The following ADAMTS18 variants were observed in gnomAD, a reference collection of about 807,000 sequenced individuals.
ADAMTS18 encodes A disintegrin and metalloproteinase with thrombospondin motifs 18.
A neutral mutation model predicts 165.9 loss-of-function variants in ADAMTS18; 157 were observed. That is an observed-to-expected ratio of 0.95 (90% CI 0.83 to 1.08). The LOEUF (loss-of-function observed/expected upper bound fraction) is 1.08. Among genes scored for constraint, ADAMTS18 ranks in the 50% least tolerant of loss-of-function variants. The pLI, the probability that ADAMTS18 is intolerant of heterozygous loss-of-function variation, is 0.00. For missense variants in ADAMTS18, 2,040 were observed against 1,534.0 expected, an observed-to-expected ratio of 1.33 and a Z score of -5.51; for synonymous variants, 782 against 578.2, an observed-to-expected ratio of 1.35 and a Z score of -5.06.
Position 77,319,880 on chromosome 16 carries a change from G to C in ADAMTS18, c.2501C>G (p.Pro834Arg). ...SFNRPERLYA[P>R]GPTNETLVFE... ...GACCAGCGTCTCATTTGTGGGCCCT[G>C]GCGCGTACAGACGTTCCGGGCGGTT... is the stretch of plus-strand genomic sequence containing the variant. Residue 834 changes from proline (P) to arginine (R), a missense_variant, in exon 16 of 23, where the codon CCA (proline) becomes CGA (arginine). Coordinates refer to ENST00000282849, the MANE Select transcript of ADAMTS18 (RefSeq NM_199355.4). 6.2e-7 allele frequency: 1 copy of C among 1,614,186 alleles called. No individual in the cohort carries two copies. Among genetic ancestry groups the C allele is most frequent in the South Asian group, 1.1e-5 (1 of 91,084 alleles).
In ADAMTS18 at chr16:77,382,913, T is replaced by A. The variant is rs150822185; in HGVS notation, c.496-15190A>T. ...CTTGGAAAGCGGCGGCTTGAATGTC[T>A]GGGAGGAGAAGATCCTACCTCATAT... On this transcript the variant is annotated intron_variant, in intron 3 of 22. Transcript: ENST00000282849. Among the ~76,000 whole-genome samples the A allele has an allele frequency of 2.9e-3, 441 of 152,326 alleles. 5 individuals carry two copies. Among genetic ancestry groups the A allele is most frequent in the African/African-American group, 9.4e-3 (391 of 41,580 alleles).
intron 3 of ADAMTS18, among the ~76,000 whole-genome samples, chr16:77,401,573 T>C (rs2057332100): frequency 6.6e-6 from 1 of 152,204 alleles, no homozygotes; most frequent in South Asian, 2.1e-4. Flanking sequence ...TACACTAGAA[T>C]TGACAAGTTC....
intron 3 of ADAMTS18, 38 bp downstream of exon 3, chr16:77,431,257 C>G (rs201612029): frequency 3.7e-6 from 6 of 1,611,162 alleles, no homozygotes; most frequent in Non-Finnish European, 5.1e-6. Context: ...ACACAAAACA[C>G]GAAAGAGGGA....
intron 10 of ADAMTS18, 27 bp from the exon 11 acceptor site, chr16:77,341,826 G>C: frequency 6.6e-7 from 1 of 1,524,938 alleles, no homozygotes; most frequent in Non-Finnish European, 9.0e-7. Context: ...GGGGGGTGCT[G>C]TTAATGGTGA....
intron 19 of ADAMTS18, among the ~76,000 whole-genome samples, chr16:77,294,409 G>T (rs747977220): frequency 6.6e-5 from 10 of 152,104 alleles, no homozygotes; most frequent in Non-Finnish European, 1.2e-4. Flanking sequence ...CTTTGCTTTA[G>T]AGGGAATTCT....
intron 3 of ADAMTS18, among the ~76,000 whole-genome samples, chr16:77,409,758 G>A (rs952406525): frequency 9.9e-5 from 15 of 151,992 alleles, no homozygotes; most frequent in African/African-American, 3.1e-4. Flanking sequence ...TAACATGGGA[G>A]GAAAAATGCT....
At chr16:77,403,592 C>T (rs1391828280) in intron 3 of ADAMTS18, among the ~76,000 whole-genome samples, 2 of 152,188 alleles carry the variant, frequency 1.3e-5, no homozygotes, top group African/African-American at 4.8e-5. Flanking sequence ...TGCCCCTCTG[C>T]CTGGAATAGA....
chr16:77,355,902 C>G, intron 9 of ADAMTS18, 38 bp downstream of exon 9: 1 of 1,613,512 alleles, frequency 6.2e-7, no homozygotes, highest in South Asian at 1.1e-5. Context: ...TGTCATCACT[C>G]CAAACCTAGG....
intron 16 of ADAMTS18, among the ~76,000 whole-genome samples, chr16:77,304,773 T>G (rs1173832448): frequency 2.0e-5 from 3 of 152,244 alleles, no homozygotes; most frequent in African/African-American, 4.8e-5. Context: ...TTAAATTAAC[T>G]CATAAAATAC....
Position 77,291,488 on chromosome 16 carries a change from A to C in ADAMTS18, c.3190-10T>G, listed in dbSNP as rs2055363888. On this transcript the variant is annotated splice_polypyrimidine_tract_variant and intron_variant, in intron 20 of 22. Transcript: ENST00000282849. ...CACAGGTTGCAGAACACTAGGAGCC[A>C]AGACAGGATGTGTAAAAGTGAAGAC... The C allele has an allele frequency of 6.2e-7, 1 of 1,613,806 alleles. No homozygotes were observed. The highest frequency in any genetic ancestry group is 8.5e-7 in the Non-Finnish European group (1 of 1,179,704).
chr16:77,379,166 G>A (rs1255794332), intron 3 of ADAMTS18, among the ~76,000 whole-genome samples: 5 of 152,186 alleles, frequency 3.3e-5, no homozygotes. Flanking sequence ...AGGAAATTAT[G>A]AGGCTGCTTC....
At chr16:77,286,015 G>T (rs147828588) in intron 22 of ADAMTS18, among the ~76,000 whole-genome samples, 1 of 152,070 alleles carries the variant, frequency 6.6e-6, no homozygotes, top group Non-Finnish European at 1.5e-5. Context: ...GGCTTCCATC[G>T]TACTCAGCGT....
intron 3 of ADAMTS18, among the ~76,000 whole-genome samples, chr16:77,422,194 G>C (rs1012729548): frequency 6.6e-6 from 1 of 152,076 alleles, no homozygotes; most frequent in Admixed American, 6.6e-5. Context: ...TGGATACAGA[G>C]ACAAATTTAA....
At chr16:77,406,735 C>G (rs571785564) in intron 3 of ADAMTS18, among the ~76,000 whole-genome samples, 10 of 151,930 alleles carry the variant, frequency 6.6e-5, no homozygotes, top group African/African-American at 2.4e-4. Flanking sequence ...GTGAACTGGA[C>G]AAATAAAATT....
Position 77,291,626 on chromosome 16 carries a change from C to CAGAT in ADAMTS18, c.3190-152_3190-149dup, listed in dbSNP as rs554135223. On this transcript the variant is annotated intron_variant, in intron 20 of 22. Coordinates refer to ENST00000282849, the MANE Select transcript of ADAMTS18 (RefSeq NM_199355.4). ...CAACCACACTCACTCGAGGATCTTA[C>CAGAT]AGATACAGCAGCCAAGTACCTCATG... The CAGAT allele has an allele frequency of 1.1e-3, 964 of 852,502 alleles. 4 individuals carry two copies. Among genetic ancestry groups the CAGAT allele is most frequent in the Non-Finnish European group, 1.0e-3 (521 of 506,128 alleles). The allele number at this position is 852,502 out of a possible 1,614,324, so 52.8% of individuals were successfully genotyped here. A position where few individuals can be genotyped will look rare whatever the true frequency, so the allele number is the denominator to read the frequency against.
intron 4 of ADAMTS18, 40 bp downstream of exon 4, chr16:77,367,401 C>G (rs745677497): frequency 1.2e-6 from 2 of 1,612,664 alleles, no homozygotes; most frequent in Admixed American, 3.3e-5. Flanking sequence ...CCTGTCGAGG[C>G]CCACATAAGA....
At chr16:77,346,754 A>G (rs1038103277) in intron 10 of ADAMTS18, among the ~76,000 whole-genome samples, 1 of 152,232 alleles carries the variant, frequency 6.6e-6, no homozygotes, top group Non-Finnish European at 1.5e-5. Flanking sequence ...AAAGTAACAA[A>G]TAACAATTAA....
chr16:77,386,780 G>A lies in ADAMTS18; in HGVS notation c.496-19057C>T, dbSNP rs140267368. Among the ~76,000 whole-genome samples, 47 of 152,218 alleles carry A rather than the reference G, an allele frequency of 3.1e-4. 1 individual carries two copies. Among genetic ancestry groups the A allele is most frequent in the Middle Eastern group, 6.8e-3 (2 of 294 alleles). The stretch of plus-strand genomic sequence containing the variant: ...GCTAAGAAATCCATATATACCCAAA[G>A]ATAGTTTTTCCTCAGTAATTACATT... On this transcript the variant is annotated intron_variant, in intron 3 of 22. Transcript: ENST00000282849.
intron 12 of ADAMTS18, among the ~76,000 whole-genome samples, chr16:77,330,407 A>G (rs2056168284): frequency 6.6e-6 from 1 of 152,190 alleles, no homozygotes; most frequent in Non-Finnish European, 1.5e-5. Flanking sequence ...GATTAAGACT[A>G]TGGGAACTTA....
Sources: allele counts gnomAD v4.1 joint callset (sites outside exome capture counted in the v4.1 genomes callset), GRCh38; gene constraint gnomAD v4.1.1; transcripts MANE v1.5; gene names NCBI Gene and HGNC (gene_info 2026-07-23, HGNC 2026-07-21).